Variants in RNPS1 observed in about 807,000 individuals in gnomAD.
The protein encoded by RNPS1 is RNA binding protein with serine rich domain 1, also known as RNA-binding protein with serine-rich domain 1.
For missense variants in RNPS1, 300 were observed against 427.6 expected (o/e 0.70, Z 2.63); for synonymous variants, 147 against 150.0 (o/e 0.98, Z 0.15).
At chr16:2,263,568 AC>A (rs1360562253) in intron 3 of RNPS1, among the ~76,000 whole-genome samples, 1 of 152,200 alleles carries the variant, frequency 6.6e-6, no homozygotes, top group Non-Finnish European at 1.5e-5. Context: ...AAAAGTCACA[AC>A]TGCCAACTCA....
intron 7 of RNPS1, among the ~76,000 whole-genome samples, chr16:2,254,278 G>T (rs2093566578): frequency 6.6e-6 from 1 of 152,200 alleles, no homozygotes; most frequent in African/African-American, 2.4e-5. Flanking sequence ...TGGGACTACA[G>T]GCGCGCGCCA....
chr16:2,259,689 A>G (rs2093594371), intron 6 of RNPS1, among the ~76,000 whole-genome samples: 1 of 152,188 alleles, frequency 6.6e-6, no homozygotes, highest in Admixed American at 6.5e-5. Context: ...GGAGATCCAG[A>G]CCATCCTGGC....
chr16:2,259,650 G>A (rs1430445843), intron 6 of RNPS1, among the ~76,000 whole-genome samples: 5 of 152,236 alleles, frequency 3.3e-5, no homozygotes, highest in African/African-American at 1.2e-4. Flanking sequence ...AGCACTTTGG[G>A]AGGCTGAGGC....
intron 1 of RNPS1, 180 bp from the exon 2 acceptor site, chr16:2,264,940 G>T: frequency 3.0e-6 from 1 of 338,540 alleles, no homozygotes; most frequent in Non-Finnish European, 5.4e-6. Flanking sequence ...TCTCTACCCC[G>T]CAGAGGAGGC....
intron 1 of RNPS1, chr16:2,267,779 G>C (rs552534265): frequency 0.015 from 20,866 of 1,385,448 alleles, 189 homozygotes; most frequent in South Asian, 0.026. Context: ...CTCCCCGCTG[G>C]TCTGAGTCCC....
intron 1 of RNPS1, chr16:2,266,203 G>A (rs2093624425): frequency 2.0e-6 from 2 of 985,426 alleles, no homozygotes; most frequent in South Asian, 9.4e-5. Context: ...TCAAAATGCT[G>A]CTGAAAATAC....
chr16:2,258,335 TA>T (rs1233728952), intron 6 of RNPS1: 1 of 152,236 alleles, frequency 6.6e-6, no homozygotes, highest in Non-Finnish European at 1.5e-5. Flanking sequence ...GCATATTTGC[TA>T]ATTTTTTTCC....
At chr16:2,255,557 C>T in intron 7 of RNPS1, 28 bp downstream of exon 7, 2 of 1,550,648 alleles carry the variant, frequency 1.3e-6, no homozygotes, top group Non-Finnish European at 8.7e-7. Context: ...GTGGCCTGAT[C>T]AGTCCACTGA....
chr16:2,265,901 C>T (rs2093623230), intron 1 of RNPS1: 1 of 156,566 alleles, frequency 6.4e-6, no homozygotes, highest in Admixed American at 6.5e-5. Flanking sequence ...TGAGAGACTG[C>T]CTGCCATGTA....
intron 3 of RNPS1, chr16:2,263,837 C>T (rs925029717): frequency 1.4e-5 from 4 of 283,496 alleles, no homozygotes; most frequent in Non-Finnish European, 2.7e-5. Flanking sequence ...TCAGCCCTCC[C>T]AAGTAGCTGG....
In RNPS1 at chr16:2,254,059, G is replaced by A. The variant is rs977897468; in HGVS notation, c.823C>T (p.Arg275Cys). 2.3e-5 allele frequency: 34 copies of A among 1,477,032 alleles called. No individual in the cohort carries two copies. Among genetic ancestry groups the A allele is most frequent in the East Asian group, 5.0e-5 (2 of 40,126 alleles). The allele number at this position is 1,477,032 out of a possible 1,614,324, so 91.5% of individuals were successfully genotyped here. A position where few individuals can be genotyped will look rare whatever the true frequency, so the allele number is the denominator to read the frequency against. Residue 275 changes from arginine to cysteine, a missense_variant, in exon 8 of 8, where the codon CGC (arginine) becomes TGC (cysteine). Transcript: ENST00000320225. Reference sequence around the variant, plus strand: ...ACGGGGGACCTGCGCCTCGGGGAGCGGGACCTGCGGGAAGAGGAGAAACCA... The same window carrying A: ...ACGGGGGACCTGCGCCTCGGGGAGCAGGACCTGCGGGAAGAGGAGAAACCA... Reference protein sequence around the residue: ...RSPPRMRRRSRSPRRRSPVRR... With the variant: ...RSPPRMRRRSCSPRRRSPVRR...
intron 3 of RNPS1, among the ~76,000 whole-genome samples, chr16:2,263,627 TTTTTC>T (rs1003344858): frequency 2.0e-5 from 3 of 152,256 alleles, no homozygotes; most frequent in African/African-American, 7.2e-5. Context: ...CTAGGTTGAT[TTTTTC>T]TTTTGAGACA....
chr16:2,253,902 A>G lies in RNPS1; in HGVS notation c.*62T>C. 6 of 1,446,574 alleles carry G rather than the reference A, an allele frequency of 4.1e-6. No homozygotes were observed. Among genetic ancestry groups the G allele is most frequent in the Non-Finnish European group, 5.7e-6 (6 of 1,051,300 alleles). 89.6% of individuals were successfully genotyped at this position (1,446,574 alleles called of 1,614,324 possible). A position where few individuals can be genotyped will look rare whatever the true frequency, so the allele number is the denominator to read the frequency against. The stretch of plus-strand genomic sequence containing the variant: ...TCCTACTGGTCTTCCTTTGGCTAGA[A>G]AAGTGACAAAACTGAGCTGGGTGGG... On this transcript the variant is annotated 3_prime_UTR_variant, in exon 8 of 8. Coordinates refer to ENST00000320225, the MANE Select transcript of RNPS1 (RefSeq NM_080594.4).
intron 1 of RNPS1, 31 bp downstream of exon 1, chr16:2,268,024 A>G: frequency 6.5e-7 from 1 of 1,533,654 alleles, no homozygotes; most frequent in Non-Finnish European, 8.7e-7. Flanking sequence ...CCCCCGAAAC[A>G]CGGATGCAGT....
At chr16:2,257,441 T>C (rs2093583878) in intron 6 of RNPS1, 1 of 152,090 alleles carries the variant, frequency 6.6e-6, no homozygotes, top group South Asian at 2.1e-4. Flanking sequence ...GAAAAATCCA[T>C]CTTCTGTGTA....
intron 6 of RNPS1, chr16:2,257,048 C>G (rs2093581798): frequency 6.6e-6 from 1 of 152,154 alleles, no homozygotes; most frequent in Non-Finnish European, 1.5e-5. Context: ...TGGAAACAAG[C>G]AGTCTCAGAG....
At chr16:2,264,075 T>C (rs1029356608) in intron 3 of RNPS1, 101 bp downstream of exon 3, 1 of 1,381,194 alleles carries the variant, frequency 7.2e-7, no homozygotes, top group African/African-American at 1.4e-5. Context: ...TCAGAGGATG[T>C]GTTTTCTTTG....
rs140623716 is a variant in RNPS1 at position 2,264,312 on chromosome 16, G to A, written c.91C>T (p.Arg31Cys). 218 of 1,614,134 alleles carry A rather than the reference G, an allele frequency of 1.4e-4. No individual in the cohort carries two copies. The highest frequency in any genetic ancestry group is 1.7e-4 in the Non-Finnish European group (203 of 1,180,042). ...GACTTCTCATCTGAGCGGTCTTTGC[G>A]TTTGGTAGGTGAAGGAGCCCTGGAT... Reference protein sequence around the residue: ...SSTRAPSPTKRKDRSDEKSKD... With the variant: ...SSTRAPSPTKCKDRSDEKSKD... The change falls in exon 3 of 8, where the codon CGC (arginine) becomes TGC (cysteine). Residue 31 changes from arginine to cysteine, a missense_variant. By Grantham distance (180) the Arg-to-Cys change is radical (BLOSUM62 -3). Coordinates refer to ENST00000320225, the MANE Select transcript of RNPS1 (RefSeq NM_080594.4).
At chr16:2,255,383 G>A (rs888317066) in intron 7 of RNPS1, among the ~76,000 whole-genome samples, 9 of 152,220 alleles carry the variant, frequency 5.9e-5, no homozygotes, top group Non-Finnish European at 1.0e-4. Context: ...AGCTGTGTTG[G>A]TGCAACTCTA....
Sources: gnomAD v4.1 joint callset for allele counts (sites outside exome capture counted in the v4.1 genomes callset) on GRCh38, gnomAD v4.1.1 for gene constraint, MANE v1.5 for transcripts, NCBI Gene and HGNC (gene_info 2026-07-23, HGNC 2026-07-21) for gene names.